CDH9: variants seen among roughly 807,000 people sequenced by gnomAD.
CDH9 encodes cadherin-9.
CDH9 carries 28 observed loss-of-function variants against 70.9 expected under a neutral mutation model. That is an observed-to-expected ratio of 0.40 (90% CI 0.29 to 0.54). The LOEUF (loss-of-function observed/expected upper bound fraction) is 0.54, where lower values mean the gene tolerates loss of function less well. Among genes scored for constraint, CDH9 ranks in the 20% least tolerant of loss-of-function variants. CDH9 has a pLI of 0.59. For synonymous variants in CDH9, 409 were observed against 343.1 expected (o/e 1.19, Z -2.12); for missense variants, 874 against 984.4 (o/e 0.89, Z 1.50).
chr5:26,993,061 A>G (rs569368648), intron 1 of CDH9, among the ~76,000 whole-genome samples: 14 of 146,360 alleles, frequency 9.6e-5, no homozygotes, highest in South Asian at 4.3e-4. Flanking sequence ...AGACTGCTCC[A>G]TTGCACTCTA....
At chr5:27,023,018 G>A (rs190647396) in intron 1 of CDH9, among the ~76,000 whole-genome samples, 1 of 152,072 alleles carries the variant, frequency 6.6e-6, no homozygotes, top group Non-Finnish European at 1.5e-5. Context: ...TTCAAGCAAA[G>A]TTGTAAATGA....
At chr5:27,034,859 T>G (rs1743365629) in intron 1 of CDH9, among the ~76,000 whole-genome samples, 1 of 151,412 alleles carries the variant, frequency 6.6e-6, no homozygotes, top group Admixed American at 6.6e-5. Flanking sequence ...TGTAGAAGAG[T>G]GCTATAAAGA....
At chr5:26,950,810 T>C (rs1741831654) in intron 2 of CDH9, among the ~76,000 whole-genome samples, 1 of 152,228 alleles carries the variant, frequency 6.6e-6, no homozygotes, top group Non-Finnish European at 1.5e-5. Flanking sequence ...TAAAATTATA[T>C]GAGTAAAATC....
chr5:26,958,221 A>G (rs1579476787), intron 2 of CDH9, among the ~76,000 whole-genome samples: 1 of 152,154 alleles, frequency 6.6e-6, no homozygotes, highest in Non-Finnish European at 1.5e-5. Context: ...AAGAAAATGA[A>G]CATTAGTGGA....
At chr5:26,989,628 A>T (rs1361849095) in intron 1 of CDH9, among the ~76,000 whole-genome samples, 1 of 151,932 alleles carries the variant, frequency 6.6e-6, no homozygotes, top group African/African-American at 2.4e-5. Flanking sequence ...TTCAGATATA[A>T]AATCTTCAAT....
chr5:26,906,231 G>C, intron 4 of CDH9, 105 bp from the exon 5 acceptor site: 1 of 883,854 alleles, frequency 1.1e-6, no homozygotes. Flanking sequence ...AACATAAAAT[G>C]TCAGTGTATT....
Position 26,906,749 on chromosome 5 carries a change from G to A in CDH9, c.613C>T (p.Gln205Ter). The change falls in exon 4 of 12, where the codon CAG becomes TAG. Residue 205 changes from glutamine (Q) to a stop codon, truncating the protein, a stop_gained. Transcript: ENST00000231021. LOFTEE classifies it high-confidence loss of function. Reference sequence around the variant, plus strand: ...TCTGGGTCCACTGAAAAATATGGCTGTCCTTGCAATATGCTATAGACCACT... The same window carrying A: ...TCTGGGTCCACTGAAAAATATGGCTATCCTTGCAATATGCTATAGACCACT... The part of the protein sequence containing the change: ...AKVVYSILQG[Q>*]PYFSVDPESG... The A allele has an allele frequency of 6.2e-7, 1 of 1,613,046 alleles. No homozygotes were observed. Among genetic ancestry groups the A allele is most frequent in the East Asian group, 2.2e-5 (1 of 44,786 alleles).
chr5:26,896,207 G>A (rs1272283106), intron 7 of CDH9, among the ~76,000 whole-genome samples: 1 of 151,790 alleles, frequency 6.6e-6, no homozygotes, highest in African/African-American at 2.4e-5. Flanking sequence ...CTTTTTTAAA[G>A]CCATTTTTTT....
chr5:26,899,629 A>G (rs1303686528), intron 7 of CDH9, among the ~76,000 whole-genome samples: 2 of 152,048 alleles, frequency 1.3e-5, no homozygotes, highest in Non-Finnish European at 2.9e-5. Flanking sequence ...GGAGAACATC[A>G]CACACTGGGG....
intron 2 of CDH9, among the ~76,000 whole-genome samples, chr5:26,978,017 G>A (rs1742331725): frequency 6.6e-6 from 1 of 151,982 alleles, no homozygotes; most frequent in African/African-American, 2.4e-5. Flanking sequence ...AACCTACACA[G>A]GATCAAAGTA....
intron 2 of CDH9, among the ~76,000 whole-genome samples, chr5:26,977,473 GT>G: frequency 1.5e-5 from 1 of 66,864 alleles, no homozygotes; most frequent in Non-Finnish European, 4.0e-5. Context: ...ATATGTGTGC[GT>G]GTGTGTGTGT....
intron 2 of CDH9, among the ~76,000 whole-genome samples, chr5:26,955,078 T>C (rs2112052884): frequency 6.6e-6 from 1 of 152,326 alleles, no homozygotes; most frequent in East Asian, 1.9e-4. Context: ...TGTTTAGATG[T>C]CATCCTAATA....
chr5:26,954,702 T>C (rs1274556682), intron 2 of CDH9, among the ~76,000 whole-genome samples: 1 of 152,152 alleles, frequency 6.6e-6, no homozygotes, highest in Non-Finnish European at 1.5e-5. Flanking sequence ...GCCTTTTTTT[T>C]ATTCTTGAAA....
At chr5:26,943,932 T>C (rs1425512610) in intron 2 of CDH9, among the ~76,000 whole-genome samples, 1 of 152,202 alleles carries the variant, frequency 6.6e-6, no homozygotes, top group African/African-American at 2.4e-5. Context: ...TGATTAAAAC[T>C]GCTCTTTGGT....
chr5:26,957,091 A>C (rs955332706), intron 2 of CDH9, among the ~76,000 whole-genome samples: 4 of 150,698 alleles, frequency 2.7e-5, no homozygotes, highest in Non-Finnish European at 5.9e-5. Flanking sequence ...ATATTATAAT[A>C]GAATTAATAG....
At chr5:27,007,578 T>A (rs567461253) in intron 1 of CDH9, among the ~76,000 whole-genome samples, 1 of 152,192 alleles carries the variant, frequency 6.6e-6, no homozygotes, top group South Asian at 2.1e-4. Flanking sequence ...GGTGACAGAA[T>A]TATATTTTTA....
rs1400864971 is a variant in CDH9, at chr5:26,936,466, C to T, written c.229-20542G>A. On this transcript the variant is annotated intron_variant, in intron 2 of 11. Transcript: ENST00000231021. ...TATTTCATGTTGCTGAATAGGACCA[C>T]TCAGTATTTTAAAGAGTCTTTCCAA... 2.6e-5 allele frequency among the ~76,000 whole-genome samples: 4 copies of T among 152,050 alleles called. No individual in the cohort carries two copies. In the South Asian group the frequency reaches 6.2e-4, roughly 24 times the overall value.
At chr5:26,990,601 T>A (rs915298843) in intron 1 of CDH9, among the ~76,000 whole-genome samples, 12 of 152,264 alleles carry the variant, frequency 7.9e-5, no homozygotes, top group African/African-American at 2.9e-4. Context: ...TGTTAAATAA[T>A]GCTTAGAAAA....
intron 1 of CDH9, among the ~76,000 whole-genome samples, chr5:27,023,001 G>A (rs1743165301): frequency 6.6e-6 from 1 of 151,762 alleles, no homozygotes; most frequent in Non-Finnish European, 1.5e-5. Flanking sequence ...AGTTTAATAC[G>A]ACTATTTTCA....
Sources: gnomAD v4.1 joint callset for allele counts (sites outside exome capture counted in the v4.1 genomes callset) on GRCh38, gnomAD v4.1.1 for gene constraint, MANE v1.5 for transcripts, NCBI Gene and HGNC (gene_info 2026-07-23, HGNC 2026-07-21) for gene names.